Variants in ABCA1 observed in about 807,000 individuals in gnomAD.
ABCA1 encodes ATP binding cassette subfamily A member 1.
A neutral mutation model predicts 262.5 loss-of-function variants in ABCA1; 133 were observed. The ratio of observed to expected loss-of-function variants is 0.51; its 90% CI spans 0.44 to 0.59. ABCA1 has a LOEUF of 0.59. Among genes scored for constraint, ABCA1 ranks in the 20% least tolerant of loss-of-function variants. The pLI is 0.00. For synonymous variants in ABCA1, 1,022 were observed against 1,043.5 expected, an observed-to-expected ratio of 0.98 and a Z score of 0.40; for missense variants, 2,452 against 2,777.5, an observed-to-expected ratio of 0.88 and a Z score of 2.63.
In ABCA1 at chr9:104,865,950, T is replaced by C. The variant is rs546348175; in HGVS notation, c.422-4150A>G. On this transcript the variant is annotated intron_variant, in intron 5 of 49. Transcript: ENST00000374736. ...CAATTCAAGAAGGCAGAAGGAAGGA[T>C]AAGCAAGCCAAAAGGAGACAGTAAA... 4.6e-5 allele frequency among the ~76,000 whole-genome samples: 7 copies of C among 152,150 alleles called. No individual in the cohort carries two copies. In the South Asian group the frequency reaches 1.5e-3, roughly 32 times the overall value.
intron 11 of ABCA1, among the ~76,000 whole-genome samples, chr9:104,833,711 A>T (rs1348537065): frequency 6.6e-6 from 1 of 152,214 alleles, no homozygotes; most frequent in Non-Finnish European, 1.5e-5. Flanking sequence ...TTAGTTTAGA[A>T]AAATAATGCT....
At chr9:104,888,559 A>C (rs555683926) in intron 3 of ABCA1, among the ~76,000 whole-genome samples, 1 of 152,322 alleles carries the variant, frequency 6.6e-6, no homozygotes, top group African/African-American at 2.4e-5. Flanking sequence ...TGACATCTGG[A>C]GCCTGTGTTG....
At chr9:104,918,837 C>G (rs1451733500) in intron 1 of ABCA1, among the ~76,000 whole-genome samples, 2 of 152,112 alleles carry the variant, frequency 1.3e-5, no homozygotes, top group African/African-American at 4.8e-5. Context: ...AAGTGTATCA[C>G]CTAAATACCA....
At chr9:104,844,966 CAACTT>C (rs1834732550) in intron 8 of ABCA1, among the ~76,000 whole-genome samples, 1 of 152,342 alleles carries the variant, frequency 6.6e-6, no homozygotes, top group Admixed American at 6.5e-5. Flanking sequence ...AAGGCAAACT[CAACTT>C]AATGTTCATT....
At chr9:104,909,734 C>G (rs894586961) in intron 1 of ABCA1, among the ~76,000 whole-genome samples, 1 of 151,628 alleles carries the variant, frequency 6.6e-6, no homozygotes, top group Non-Finnish European at 1.5e-5. Flanking sequence ...TCTTCCTCAC[C>G]AAAACATTGT....
At chr9:104,814,088 A>G (rs766974256) in intron 27 of ABCA1, 30 bp downstream of exon 27, 8 of 1,581,722 alleles carry the variant, frequency 5.1e-6, no homozygotes, top group Non-Finnish European at 6.1e-6. Context: ...TTCAAACAGT[A>G]GGACACTGTT....
At chr9:104,927,822 G>A (rs1411499150) in intron 1 of ABCA1, 113 bp downstream of exon 1, 1 of 152,552 alleles carries the variant, frequency 6.6e-6, no homozygotes, top group African/African-American at 2.4e-5. Context: ...AGTTGCAAGT[G>A]GTGGGGATGT....
In ABCA1 at chr9:104,902,110, G is replaced by T. The variant is rs980765737; in HGVS notation, c.66+1504C>A. Among the ~76,000 whole-genome samples, 9 of 152,296 alleles carry T rather than the reference G, an allele frequency of 5.9e-5. No homozygotes were observed. The East Asian group carries it at 1.7e-3, about 29-fold the overall frequency. On this transcript the variant is annotated intron_variant, in intron 2 of 49. Coordinates refer to ENST00000374736, the MANE Select transcript of ABCA1 (RefSeq NM_005502.4). Reference sequence around the variant, plus strand: ...ACACAATCAGTTTTTCTCAAAGGAAGATCTGTATACATATTGCTGAGGGAT... The same window carrying T: ...ACACAATCAGTTTTTCTCAAAGGAATATCTGTATACATATTGCTGAGGGAT...
intron 44 of ABCA1, among the ~76,000 whole-genome samples, chr9:104,789,089 C>T (rs1316254673): frequency 6.6e-6 from 1 of 152,204 alleles, no homozygotes; most frequent in East Asian, 1.9e-4. Context: ...TGTTCACGTT[C>T]CAGACTGATG....
chr9:104,887,637 A>C (rs898373244), intron 3 of ABCA1, among the ~76,000 whole-genome samples: 1 of 152,100 alleles, frequency 6.6e-6, no homozygotes, highest in African/African-American at 2.4e-5. Flanking sequence ...TTTGCTCATC[A>C]ATCAAAAAAA....
At chr9:104,834,897 G>C (rs1209054943) in intron 11 of ABCA1, among the ~76,000 whole-genome samples, 1 of 152,188 alleles carries the variant, frequency 6.6e-6, no homozygotes, top group Admixed American at 6.5e-5. Context: ...TGTAGGAGAT[G>C]CCAGGCTACA....
chr9:104,796,578 C>T (rs556448320), intron 37 of ABCA1, among the ~76,000 whole-genome samples, 154 bp from the exon 38 acceptor site: 1 of 152,256 alleles, frequency 6.6e-6, no homozygotes, highest in African/African-American at 2.4e-5. Context: ...AATCAAAATA[C>T]CCGACAATAC....
intron 29 of ABCA1, among the ~76,000 whole-genome samples, chr9:104,810,510 T>A (rs964516191): frequency 6.6e-6 from 1 of 152,180 alleles, no homozygotes; most frequent in Non-Finnish European, 1.5e-5. Flanking sequence ...TATAACTTAA[T>A]CATGGATTTT....
At chr9:104,870,202 C>G (rs954729954) in intron 5 of ABCA1, among the ~76,000 whole-genome samples, 2 of 152,196 alleles carry the variant, frequency 1.3e-5, no homozygotes, top group African/African-American at 4.8e-5. Context: ...ATAATATAAA[C>G]TTGTATTAGT....
chr9:104,924,991 A>C (rs901391210), intron 1 of ABCA1, among the ~76,000 whole-genome samples: 19 of 152,258 alleles, frequency 1.2e-4, no homozygotes, highest in Admixed American at 1.2e-3. Flanking sequence ...AGCAGAAGGA[A>C]CCAATCCTTG....
intron 40 of ABCA1, 114 bp from the exon 41 acceptor site, chr9:104,793,414 T>A: frequency 7.2e-7 from 1 of 1,392,794 alleles, no homozygotes; most frequent in Non-Finnish European, 1.0e-6. Context: ...TAAACACAAA[T>A]GGCTATCACC....
intron 5 of ABCA1, among the ~76,000 whole-genome samples, chr9:104,880,207 G>C (rs1236940521): frequency 1.3e-5 from 2 of 152,206 alleles, no homozygotes; most frequent in Admixed American, 1.3e-4. Flanking sequence ...GGGAGAGACA[G>C]CACAGGAGGG....
intron 1 of ABCA1, among the ~76,000 whole-genome samples, chr9:104,913,870 A>C (rs1841654984): frequency 6.6e-6 from 1 of 151,978 alleles, no homozygotes; most frequent in Non-Finnish European, 1.5e-5. Flanking sequence ...ATCTCGGCTC[A>C]CTGCAAGCTC....
intron 18 of ABCA1, among the ~76,000 whole-genome samples, chr9:104,823,335 C>A (rs1436471902): frequency 6.6e-6 from 1 of 152,136 alleles, no homozygotes; most frequent in Non-Finnish European, 1.5e-5. Flanking sequence ...CACACACACA[C>A]AAATGAGCGC....
Sources: allele counts gnomAD v4.1 joint callset (sites outside exome capture counted in the v4.1 genomes callset), GRCh38; gene constraint gnomAD v4.1.1; transcripts MANE v1.5; gene names NCBI Gene and HGNC (gene_info 2026-07-23, HGNC 2026-07-21).